The following ABCC10 variants were observed in gnomAD, a reference collection of about 807,000 sequenced individuals.
ABCC10 encodes ATP-binding cassette sub-family C member 10.
ABCC10 carries 110 observed loss-of-function variants against 143.2 expected under a neutral mutation model. The ratio of observed to expected loss-of-function variants is 0.77; its 90% CI spans 0.66 to 0.90. The LOEUF (loss-of-function observed/expected upper bound fraction) is 0.90, where lower values mean the gene tolerates loss of function less well. ABCC10 is among the 40% of genes least tolerant of loss of function. The pLI is 0.00. For synonymous variants in ABCC10, 805 were observed against 846.7 expected, an observed-to-expected ratio of 0.95 and a Z score of 0.85; for missense variants, 1,700 against 1,900.5, an observed-to-expected ratio of 0.89 and a Z score of 1.96.
chr6:43,444,254 A>G lies in ABCC10; in HGVS notation c.2590A>G (p.Lys864Glu), dbSNP rs138057759. Reference protein sequence around the residue: ...SGRLLQEESKKEGAVALHVYQ... With the variant: ...SGRLLQEESKEEGAVALHVYQ... ...TCGCCTGCTGCAGGAAGAAAGCAAG[A>G]AGGAGGGCGCCGTGGCCTTGCACGT... The change falls in exon 12 of 22, where the codon AAG becomes GAG. Residue 864 changes from lysine (K) to glutamate (E), a missense_variant. Coordinates refer to ENST00000372530, the MANE Select transcript of ABCC10 (RefSeq NM_001198934.2). The G allele has an allele frequency of 2.6e-3, 4,144 of 1,614,150 alleles. 8 individuals carry two copies. Among genetic ancestry groups the G allele is most frequent in the Non-Finnish European group, 3.2e-3 (3,730 of 1,180,016 alleles).
At chr6:43,430,563 C>T (rs184029434) in intron 2 of ABCC10, among the ~76,000 whole-genome samples, 1 of 151,230 alleles carries the variant, frequency 6.6e-6, no homozygotes, top group Non-Finnish European at 1.5e-5. Context: ...CCATTGCGCT[C>T]CAGCCTGGCG....
chr6:43,441,773 T>G, intron 8 of ABCC10, 89 bp from the exon 9 acceptor site: 1 of 1,084,954 alleles, frequency 9.2e-7, no homozygotes, highest in Non-Finnish European at 1.3e-6. Flanking sequence ...CCTACTTCTC[T>G]TGACTCCCAC....
rs1282804448 is a variant in ABCC10, at chr6:43,433,351, G to A, written c.1371G>A (p.Ala457=). The change falls in exon 3 of 22, where the codon GCG becomes GCA. Residue 457 remains alanine, a synonymous_variant. Coordinates refer to ENST00000372530, the MANE Select transcript of ABCC10 (RefSeq NM_001198934.2). ...SNQEMLQHKD[A]RVKLVTELLS... is the part of the protein sequence containing the mutation. Reference sequence around the variant, plus strand: ...AGGAAATGCTACAGCACAAGGATGCGCGGGTTAAGGTGAGCGGGTACTTGG... The same window carrying A: ...AGGAAATGCTACAGCACAAGGATGCACGGGTTAAGGTGAGCGGGTACTTGG... 1.2e-5 allele frequency: 19 copies of A among 1,608,066 alleles called. No individual in the cohort carries two copies. The highest frequency in any genetic ancestry group is 1.5e-5 in the Non-Finnish European group (18 of 1,175,510).
Position 43,441,930 on chromosome 6 carries a change from C to T in ABCC10, c.2196C>T (p.Ala732=), listed in dbSNP as rs1422043470. 6.2e-7 allele frequency: 1 copy of T among 1,613,754 alleles called. No individual in the cohort carries two copies. The highest frequency in any genetic ancestry group is 8.5e-7 in the Non-Finnish European group (1 of 1,179,900). ...KGVTLSGGQR[A]RIALARAVYQ... is the part of the protein sequence containing the mutation. Reference sequence around the variant, plus strand: ...TCACCCTTAGCGGAGGACAGCGTGCCCGGATTGCCCTTGCTCGTGCTGTCT... The same window carrying T: ...TCACCCTTAGCGGAGGACAGCGTGCTCGGATTGCCCTTGCTCGTGCTGTCT... The change falls in exon 9 of 22, where the codon GCC becomes GCT. Residue 732 remains alanine (A), a synonymous_variant. Coordinates refer to ENST00000372530, the MANE Select transcript of ABCC10 (RefSeq NM_001198934.2).
intron 18 of ABCC10, 161 bp downstream of exon 18, chr6:43,448,098 A>G (rs1279618482): frequency 8.8e-7 from 1 of 1,133,794 alleles, no homozygotes; most frequent in East Asian, 2.6e-5. Flanking sequence ...GCGAACTCCT[A>G]GTGCCCAGGT....
At position 43,445,263 on chromosome 6, in the gene ABCC10, C is replaced by T; in HGVS notation, c.2979C>T (p.Thr993=). 6.2e-7 allele frequency: 1 copy of T among 1,613,842 alleles called. No individual in the cohort carries two copies. The highest frequency in any genetic ancestry group is 8.5e-7 in the Non-Finnish European group (1 of 1,179,948). The stretch of plus-strand genomic sequence containing the variant: ...GGGCAGTGCTCTTTGCAGCAGGCAC[C>T]CTTCAAGCAGCTGCCACTCTGCATC... ...LLRAVLFAAG[T]LQAAATLHRR... The change falls in exon 14 of 22, where the codon ACC becomes ACT. Residue 993 remains threonine, a synonymous_variant. Coordinates refer to ENST00000372530, the MANE Select transcript of ABCC10 (RefSeq NM_001198934.2).
At chr6:43,448,149 G>C in intron 18 of ABCC10, 1 of 769,048 alleles carries the variant, frequency 1.3e-6, no homozygotes, top group Non-Finnish European at 2.2e-6. Flanking sequence ...TCCTCGCCCT[G>C]ACCCAGGCCA....
At chr6:43,446,583 C>G (rs1176103464) in intron 16 of ABCC10, 137 bp downstream of exon 16, 2 of 1,429,830 alleles carry the variant, frequency 1.4e-6, no homozygotes, top group African/African-American at 2.9e-5. Context: ...TGATTATCAT[C>G]ATCACCCCCG....
intron 2 of ABCC10, among the ~76,000 whole-genome samples, chr6:43,431,387 G>T (rs749087309): frequency 5.3e-5 from 8 of 152,090 alleles, no homozygotes; most frequent in Non-Finnish European, 1.2e-4. Context: ...CTGAGACGGA[G>T]TCTTCCCCTG....
At position 43,427,741 on chromosome 6, in the gene ABCC10, G is replaced by A; in HGVS notation, c.-28G>A. On this transcript the variant is annotated 5_prime_UTR_variant, in exon 1 of 22. Coordinates refer to ENST00000372530, the MANE Select transcript of ABCC10 (RefSeq NM_001198934.2). ...GCCTGGGGGCGGAGAAACGGGAGGG[G>A]AAAAACAGATGGCAAGGTGGGTGAC... is the stretch of plus-strand genomic sequence containing the variant. The A allele has an allele frequency of 3.4e-6, 2 of 595,388 alleles. No individual in the cohort carries two copies. The highest frequency in any genetic ancestry group is 6.0e-6 in the Non-Finnish European group (2 of 332,824). 36.9% of individuals were successfully genotyped at this position (595,388 alleles called of 1,614,324 possible). A position where few individuals can be genotyped will look rare whatever the true frequency, so the allele number is the denominator to read the frequency against.
rs767611157 is a variant in ABCC10 at position 43,443,037 on chromosome 6, T to C, written c.2294T>C (p.Leu765Pro). The C allele has an allele frequency of 1.9e-6, 3 of 1,613,120 alleles. No homozygotes were observed. Among genetic ancestry groups the C allele is most frequent in the South Asian group, 1.1e-5 (1 of 91,004 alleles). ...AVDADVANHL[L>P]HRCILGMLSY... ...GATGCAGATGTGGCCAACCACCTGCTGCACAGGTGCATCCTGGGCATGCTG... is the reference window on the plus strand; with the variant it reads ...GATGCAGATGTGGCCAACCACCTGCCGCACAGGTGCATCCTGGGCATGCTG... Residue 765 changes from leucine (L) to proline (P), a missense_variant, in exon 10 of 22, where the codon CTG (leucine) becomes CCG (proline). Transcript: ENST00000372530. This position sits in a 1 kb window ranked among gnomAD's most constrained non-coding sequence, Gnocchi z 4.2.
chr6:43,431,651 G>A (rs540265168), intron 2 of ABCC10: 15 of 316,878 alleles, frequency 4.7e-5, no homozygotes, highest in African/African-American at 1.6e-4. Context: ...CGTGAGCCAC[G>A]GCGCCCAGCC....
chr6:43,444,717 A>AG, intron 12 of ABCC10, 71 bp from the exon 13 acceptor site: 1 of 1,510,634 alleles, frequency 6.6e-7, no homozygotes, highest in Non-Finnish European at 8.8e-7. Context: ...GGGCGGAGAA[A>AG]GGGGGCATTG....
rs140124364 is a variant in ABCC10 at position 43,447,871 on chromosome 6, A to G, written c.3893A>G (p.Glu1298Gly). ...SLLLVLFRLL[E>G]PSSGRVLLDG... ...TTGTTGGTGCTCTTCCGGCTGCTAG[A>G]GCCCAGTTCAGGGCGAGTGCTGCTG... The change falls in exon 18 of 22, where the codon GAG (glutamate) becomes GGG (glycine). Residue 1298 changes from glutamate to glycine, a missense_variant. Coordinates refer to ENST00000372530, the MANE Select transcript of ABCC10 (RefSeq NM_001198934.2). 6.8e-6 allele frequency: 11 copies of G among 1,613,940 alleles called. No individual in the cohort carries two copies. The African/African-American group carries it at 1.2e-4, about 18-fold the overall frequency.
At chr6:43,442,239 G>C (rs1052038537) in intron 9 of ABCC10, among the ~76,000 whole-genome samples, 12 of 152,152 alleles carry the variant, frequency 7.9e-5, no homozygotes, top group African/African-American at 2.9e-4. Context: ...GGGCCCAGGA[G>C]TTTAAGATCA....
At position 43,428,156 on chromosome 6, in the gene ABCC10, G is replaced by A. The variant is rs778376389; in HGVS notation, c.161+17G>A. On this transcript the variant is annotated intron_variant, in intron 2 of 21. Transcript: ENST00000372530. ...CACCCCGAGGTGGGTAGAGACGGGC[G>A]CAAGGCATCTGTCCATGTGTGCCTG... The A allele has an allele frequency of 5.8e-5, 88 of 1,514,696 alleles. No homozygotes were observed. The highest frequency in any genetic ancestry group is 7.8e-5 in the Non-Finnish European group (88 of 1,132,100). The allele number at this position is 1,514,696 out of a possible 1,614,324, so 93.8% of individuals were successfully genotyped here.
intron 18 of ABCC10, chr6:43,448,198 A>C (rs1581793341): frequency 1.7e-6 from 1 of 601,226 alleles, no homozygotes; most frequent in South Asian, 1.7e-5. Flanking sequence ...CCTACCATAC[A>C]CCCTCCACTC....
At chr6:43,438,986 A>C (rs1782042290) in intron 8 of ABCC10, among the ~76,000 whole-genome samples, 191 bp downstream of exon 8, 1 of 152,054 alleles carries the variant, frequency 6.6e-6, no homozygotes, top group Non-Finnish European at 1.5e-5. Context: ...TAGGGTGGTG[A>C]CTGTGTGTTC....
Position 43,447,322 on chromosome 6 carries a change from C to G in ABCC10, c.3619C>G (p.Gln1207Glu). 1 of 1,613,608 alleles carries G rather than the reference C, an allele frequency of 6.2e-7. No homozygotes were observed. The highest frequency in any genetic ancestry group is 8.5e-7 in the Non-Finnish European group (1 of 1,179,976). ...CTCGGGCCTGGTGAGCAGCTTCACA[C>G]AGACAGAGGCCATGCTGGTGAGCGT... Reference protein sequence around the residue: ...LLSGLVSSFTQTEAMLVSVER... With the variant: ...LLSGLVSSFTETEAMLVSVER... Residue 1207 changes from glutamine (Q) to glutamate (E), a missense_variant, in exon 17 of 22, where the codon CAG (glutamine) becomes GAG (glutamate). Physicochemically the swap from Gln to Glu is conservative, Grantham distance 29. Coordinates refer to ENST00000372530, the MANE Select transcript of ABCC10 (RefSeq NM_001198934.2).
Sources: allele counts gnomAD v4.1 joint callset (sites outside exome capture counted in the v4.1 genomes callset), GRCh38; gene constraint gnomAD v4.1.1; non-coding constraint Gnocchi (gnomAD v3.1); transcripts MANE v1.5; gene names NCBI Gene and HGNC (gene_info 2026-07-23, HGNC 2026-07-21).